Variants in CALN1 observed in about 807,000 individuals in gnomAD.
CALN1 encodes the protein calcium-binding protein 8.
A neutral mutation model predicts 30.6 loss-of-function variants in CALN1; 17 were observed. That is an observed-to-expected ratio of 0.56 (90% CI 0.38 to 0.83). The LOEUF (loss-of-function observed/expected upper bound fraction) is 0.83. CALN1 is among the 40% of genes least tolerant of loss of function. The pLI is 0.00. For synonymous variants in CALN1, 156 were observed against 131.4 expected (o/e 1.19, Z -1.28); for missense variants, 291 against 354.9 (o/e 0.82, Z 1.45).
At chr7:72,443,736 AC>A (rs1808432687) in intron 1 of CALN1, among the ~76,000 whole-genome samples, 1 of 151,890 alleles carries the variant, frequency 6.6e-6, no homozygotes, top group Non-Finnish European at 1.5e-5. Context: ...TTACTTGAGA[AC>A]AGGGGGCAGC....
intron 2 of CALN1, among the ~76,000 whole-genome samples, chr7:72,340,595 T>A (rs773102435): frequency 6.6e-5 from 10 of 152,216 alleles, no homozygotes; most frequent in Non-Finnish European, 1.3e-4. Context: ...TTGATGCGGA[T>A]AGCTGGTCTT....
chr7:71,840,668 G>A (rs1789888308), intron 5 of CALN1, among the ~76,000 whole-genome samples: 2 of 151,996 alleles, frequency 1.3e-5, no homozygotes, highest in African/African-American at 4.8e-5. Context: ...ACCGCTCAGA[G>A]CAAAACCTCA....
intron 3 of CALN1, among the ~76,000 whole-genome samples, chr7:72,238,403 T>C (rs1794615549): frequency 6.6e-6 from 1 of 152,172 alleles, no homozygotes; most frequent in African/African-American, 2.4e-5. Flanking sequence ...ATTGAATGAA[T>C]TATTTAATGA....
chr7:72,084,982 C>A (rs1442708269), intron 4 of CALN1, among the ~76,000 whole-genome samples: 1 of 152,190 alleles, frequency 6.6e-6, no homozygotes, highest in Non-Finnish European at 1.5e-5. Flanking sequence ...TCCAGCATAT[C>A]CAAGCTGTCT....
the CALN1 span, among the ~76,000 whole-genome samples, chr7:72,487,814 GAGAAAGAGAAAAAGAA>G: frequency 2.0e-4 from 27 of 136,406 alleles, no homozygotes; most frequent in Admixed American, 8.3e-4. Context: ...GAAAGAGAGA[GAGAAAGAGAAAAAGAA>G]AGAAAGAGAG....
At chr7:72,381,590 TAAC>T (rs1289903703) in intron 2 of CALN1, among the ~76,000 whole-genome samples, 1 of 152,062 alleles carries the variant, frequency 6.6e-6, no homozygotes, top group Non-Finnish European at 1.5e-5. Context: ...TTCAGCAAAC[TAAC>T]ACAGGAACAG....
intron 3 of CALN1, among the ~76,000 whole-genome samples, chr7:72,228,064 A>C (rs1793815872): frequency 6.6e-6 from 1 of 151,962 alleles, no homozygotes; most frequent in African/African-American, 2.4e-5. Flanking sequence ...GGAATACTGA[A>C]CCAAGTGCTG....
At position 72,121,367 on chromosome 7, in the gene CALN1, A is replaced by C. The variant is rs145068511; in HGVS notation, c.245-15073T>G. 7.7e-3 allele frequency among the ~76,000 whole-genome samples: 1,116 copies of C among 145,582 alleles called. 5 individuals are homozygous for C. Among genetic ancestry groups the C allele is most frequent in the African/African-American group, 0.024 (971 of 40,144 alleles). On this transcript the variant is annotated intron_variant, in intron 3 of 6. Transcript: ENST00000395275. The stretch of plus-strand genomic sequence containing the variant: ...ATATTATATAATTATGCAATATGAT[A>C]TATAAATTACGTATTATATAATATA...
intron 3 of CALN1, among the ~76,000 whole-genome samples, chr7:72,143,395 T>C (rs1810100738): frequency 6.6e-6 from 1 of 152,000 alleles, no homozygotes; most frequent in Non-Finnish European, 1.5e-5. Context: ...ATCAAATGAA[T>C]GAAATGAAGC....
intron 3 of CALN1, among the ~76,000 whole-genome samples, chr7:72,140,931 G>A (rs907624653): frequency 6.6e-6 from 1 of 152,174 alleles, no homozygotes; most frequent in African/African-American, 2.4e-5. Flanking sequence ...TTCCCCACCT[G>A]GGAGGAGGAA....
intron 2 of CALN1, among the ~76,000 whole-genome samples, chr7:72,401,276 A>T (rs574582189): frequency 4.6e-5 from 7 of 151,958 alleles, no homozygotes; most frequent in African/African-American, 1.7e-4. Context: ...TAAGGGGAGA[A>T]CACGTTCCTG....
chr7:72,425,823 GCA>G (rs968214686), intron 1 of CALN1, among the ~76,000 whole-genome samples: 5 of 152,192 alleles, frequency 3.3e-5, no homozygotes, highest in African/African-American at 7.2e-5. Context: ...AGGCCTCTCT[GCA>G]CACAGAGTCC....
chr7:71,956,962 T>C (rs1796991484), intron 5 of CALN1, among the ~76,000 whole-genome samples: 1 of 152,214 alleles, frequency 6.6e-6, no homozygotes, highest in Non-Finnish European at 1.5e-5. Flanking sequence ...CCTCCCAAAG[T>C]GCTGGGATTA....
At chr7:72,449,610 T>C (rs888789067), upstream of CALN1, among the ~76,000 whole-genome samples, 19 of 152,130 alleles carry the variant, frequency 1.2e-4, no homozygotes, top group East Asian at 7.7e-4. Flanking sequence ...CGGTGGCTCA[T>C]GCCTGTAATC....
intron 2 of CALN1, among the ~76,000 whole-genome samples, chr7:72,347,002 A>G (rs149685736): frequency 4.6e-5 from 7 of 152,024 alleles, no homozygotes; most frequent in Non-Finnish European, 1.0e-4. Flanking sequence ...TAGAGAAAAG[A>G]GAGTAAGAGA....
At chr7:72,271,557 T>G in intron 3 of CALN1, among the ~76,000 whole-genome samples, 1 of 72,794 alleles carries the variant, frequency 1.4e-5, no homozygotes, top group Non-Finnish European at 2.3e-5. Context: ...CCACTGTGCC[T>G]GCCTTTTAAA....
chr7:71,845,122 G>T (rs1042767345), intron 5 of CALN1, among the ~76,000 whole-genome samples: 1 of 152,054 alleles, frequency 6.6e-6, no homozygotes, highest in Admixed American at 6.6e-5. Context: ...GACCTCAAGC[G>T]ATCCTCCTGC....
chr7:72,140,362 G>GGGAC (rs1809831452), intron 3 of CALN1, among the ~76,000 whole-genome samples: 1 of 141,566 alleles, frequency 7.1e-6, no homozygotes, highest in Non-Finnish European at 1.6e-5. Flanking sequence ...GAGGGAGGGA[G>GGGAC]GGAGGGAGGG....
chr7:72,213,338 C>T (rs1248685402), intron 3 of CALN1, among the ~76,000 whole-genome samples: 1 of 152,156 alleles, frequency 6.6e-6, no homozygotes, highest in Non-Finnish European at 1.5e-5. Context: ...TGTGTCTTAA[C>T]CTGGGTTCCC....
Sources: allele counts gnomAD v4.1 joint callset (sites outside exome capture counted in the v4.1 genomes callset), GRCh38; gene constraint gnomAD v4.1.1; transcripts MANE v1.5; gene names NCBI Gene and HGNC (gene_info 2026-07-23, HGNC 2026-07-21).